The following HIBCH variants were observed in gnomAD, a reference collection of about 807,000 sequenced individuals.
HIBCH encodes 3-hydroxyisobutyryl-CoA hydrolase, mitochondrial.
Under a neutral mutation model 58.2 loss-of-function variants are expected in HIBCH, and 50 were observed. That is an observed-to-expected ratio of 0.86 (90% confidence interval 0.68 to 1.09). The LOEUF is 1.09. Ranked by LOEUF, HIBCH falls within the 50% of genes least tolerant of loss-of-function variation. The probability of loss-of-function intolerance (pLI) is 0.00; values close to 1 mark genes in which losing one functional copy is unlikely to be tolerated. For synonymous variants in HIBCH, 151 were observed against 146.9 expected (o/e 1.03, Z -0.20); for missense variants, 450 against 449.7 (o/e 1.00, Z -0.01).
rs182914734 is a variant in HIBCH, at chr2:190,230,469, G to C, written c.891+14418C>G. Among the ~76,000 whole-genome samples, 4 of 152,296 alleles carry C rather than the reference G, an allele frequency of 2.6e-5. No homozygotes were observed. In the East Asian group the frequency reaches 7.7e-4, roughly 29 times the overall value. ...CCCAGCACTTTGGGAGGCCAAGGCG[G>C]GCAGATCACAAGATCAGGAGTTCGA... On this transcript the variant is annotated intron_variant, in intron 11 of 13. Transcript: ENST00000359678.
chr2:190,310,720 A>T, intron 2 of HIBCH, 34 bp downstream of exon 2: 4 of 1,550,318 alleles, frequency 2.6e-6, no homozygotes, highest in Non-Finnish European at 3.6e-6. Context: ...TTACACATAC[A>T]AATAATGCCA....
In HIBCH at chr2:190,306,361, T is replaced by C. The variant is rs1344672936; in HGVS notation, c.78+4393A>G. Among the ~76,000 whole-genome samples the C allele has an allele frequency of 6.6e-6, 1 of 152,122 alleles. No homozygotes were observed. Among genetic ancestry groups the C allele is most frequent in the African/African-American group, 2.4e-5 (1 of 41,398 alleles). ...TGGGTCATTTTCAAGGTAGCCACCA[T>C]GAAGAAAAAGGTCTTTTGCTGTAGA... On this transcript the variant is annotated intron_variant, in intron 2 of 13. Transcript: ENST00000359678. The surrounding 1 kb of genome is among the most constrained non-coding windows in gnomAD (Gnocchi z 4.6).
At chr2:190,280,817 G>C (rs1478294873) in intron 6 of HIBCH, 1 of 152,180 alleles carries the variant, frequency 6.6e-6, no homozygotes, top group Non-Finnish European at 1.5e-5. Context: ...GGGCCAAACA[G>C]AACACTTGAA....
intron 11 of HIBCH, among the ~76,000 whole-genome samples, chr2:190,230,304 GT>G (rs1287176749): frequency 1.3e-5 from 2 of 152,150 alleles, no homozygotes; most frequent in Non-Finnish European, 1.5e-5. Context: ...AAAAAAAACA[GT>G]AGTAGTAAAA....
intron 11 of HIBCH, among the ~76,000 whole-genome samples, chr2:190,231,708 A>C (rs578188040): frequency 2.6e-5 from 4 of 152,190 alleles, no homozygotes; most frequent in African/African-American, 7.2e-5. Flanking sequence ...AGGGAGAAAT[A>C]AAGGGGGTAT....
At chr2:190,302,981 T>C (rs2124840995) in intron 2 of HIBCH, among the ~76,000 whole-genome samples, 1 of 152,340 alleles carries the variant, frequency 6.6e-6, no homozygotes. Flanking sequence ...TGCAACTGCT[T>C]TGCATATATA....
intron 4 of HIBCH, among the ~76,000 whole-genome samples, chr2:190,290,879 C>T (rs1687940504): frequency 6.6e-6 from 1 of 152,044 alleles, no homozygotes; most frequent in South Asian, 2.1e-4. Flanking sequence ...GCTGCAGTGC[C>T]ACATGCCTGT....
chr2:190,250,457 C>A, intron 8 of HIBCH: 1 of 450,960 alleles, frequency 2.2e-6, no homozygotes, highest in South Asian at 1.7e-5. Context: ...GTATATTCCT[C>A]TTTTTCATAT....
chr2:190,295,250 T>C (rs906138711), intron 3 of HIBCH, among the ~76,000 whole-genome samples: 3 of 152,200 alleles, frequency 2.0e-5, no homozygotes, highest in South Asian at 2.1e-4. Flanking sequence ...GTTCTATCAA[T>C]CTATACAGGT....
chr2:190,199,710 G>T, downstream of HIBCH: 1 of 1,463,354 alleles, frequency 6.8e-7, no homozygotes, highest in East Asian at 2.4e-5. Context: ...AACACTACAC[G>T]TGAAGAGTGG....
chr2:190,293,297 CA>C (rs10524582), intron 4 of HIBCH, among the ~76,000 whole-genome samples: 147,982 of 152,032 alleles, frequency 0.97, 72,059 homozygotes, highest in Admixed American at 0.98. Flanking sequence ...ACTAAAAATA[CA>C]AAAAATTAGC....
intron 8 of HIBCH, chr2:190,250,391 CA>C (rs775185710): frequency 2.1e-6 from 1 of 469,738 alleles, no homozygotes; most frequent in South Asian, 1.6e-5. Flanking sequence ...TTACCTCTGC[CA>C]GATGAGAGAG....
downstream of HIBCH, chr2:190,200,274 C>CTATT (rs1690189314): frequency 4.0e-6 from 3 of 750,828 alleles, no homozygotes; most frequent in South Asian, 3.6e-5. Context: ...GATAATGTCA[C>CTATT]TATTATAAGA....
chr2:190,317,115 C>T (rs1023813768), intron 1 of HIBCH, among the ~76,000 whole-genome samples: 5 of 152,076 alleles, frequency 3.3e-5, no homozygotes, highest in African/African-American at 1.2e-4. Context: ...GAAACGGGGT[C>T]TTGCTATGTT....
intron 1 of HIBCH, among the ~76,000 whole-genome samples, chr2:190,311,340 T>C (rs1688553160): frequency 6.6e-6 from 1 of 152,232 alleles, no homozygotes; most frequent in Non-Finnish European, 1.5e-5. Context: ...AACTAATCTG[T>C]ATGATACTGT....
At chr2:190,249,093 C>CCT (rs1686691605) in intron 9 of HIBCH, among the ~76,000 whole-genome samples, 2 of 151,506 alleles carry the variant, frequency 1.3e-5, no homozygotes, top group African/African-American at 4.9e-5. Flanking sequence ...TCTCCTCTTC[C>CCT]GTTCTACTTG....
intron 11 of HIBCH, among the ~76,000 whole-genome samples, chr2:190,225,306 C>A (rs1009849250): frequency 6.6e-5 from 10 of 152,106 alleles, no homozygotes; most frequent in Non-Finnish European, 1.3e-4. Flanking sequence ...ACAAAAAACC[C>A]TTCAAAATAT....
At chr2:190,266,624 G>A (rs1687245730) in intron 6 of HIBCH, among the ~76,000 whole-genome samples, 1 of 151,954 alleles carries the variant, frequency 6.6e-6, no homozygotes, top group Admixed American at 6.6e-5. Context: ...AGTAGAGATG[G>A]GATTTCACCA....
intron 11 of HIBCH, among the ~76,000 whole-genome samples, chr2:190,238,882 T>C (rs891921286): frequency 2.0e-5 from 3 of 152,248 alleles, no homozygotes; most frequent in African/African-American, 7.2e-5. Context: ...TTTAGATGGA[T>C]AGGTTGCAAA....
Sources: gnomAD v4.1 joint callset for allele counts (sites outside exome capture counted in the v4.1 genomes callset) on GRCh38, gnomAD v4.1.1 for gene constraint, Gnocchi (gnomAD v3.1) non-coding constraint, MANE v1.5 for transcripts, NCBI Gene and HGNC (gene_info 2026-07-23, HGNC 2026-07-21) for gene names.